The following SYN2 variants were observed in gnomAD, a reference collection of about 807,000 sequenced individuals.
The protein encoded by SYN2 is synapsin-2.
Under a neutral mutation model 50.9 loss-of-function variants are expected in SYN2, and 19 were observed. The ratio of observed to expected loss-of-function variants is 0.37; its 90% CI spans 0.26 to 0.55. The LOEUF (loss-of-function observed/expected upper bound fraction) is 0.55. SYN2 is among the 20% of genes least tolerant of loss of function. The pLI is 0.81. For synonymous variants in SYN2, 255 were observed against 224.9 expected (o/e 1.13, Z -1.20); for missense variants, 587 against 576.4 (o/e 1.02, Z -0.19).
At chr3:12,159,626 C>T (rs924046012) in intron 5 of SYN2, among the ~76,000 whole-genome samples, 2 of 152,094 alleles carry the variant, frequency 1.3e-5, no homozygotes, top group African/African-American at 4.8e-5. Context: ...CAAAGTGTCC[C>T]ATCACTTAGG....
chr3:12,158,701 C>T (rs750725679), intron 5 of SYN2: 14 of 1,610,328 alleles, frequency 8.7e-6, no homozygotes, highest in Non-Finnish European at 7.6e-6. Flanking sequence ...CTCGGACTCA[C>T]CAAGTGCCGA....
chr3:12,156,941 G>A (rs1413581678), intron 5 of SYN2: 3 of 1,607,482 alleles, frequency 1.9e-6, no homozygotes, highest in Non-Finnish European at 1.7e-6. Context: ...ACATCTGACA[G>A]GCAATTACAA....
intron 1 of SYN2, among the ~76,000 whole-genome samples, chr3:12,025,123 G>A (rs1365155460): frequency 6.6e-6 from 1 of 152,112 alleles, no homozygotes; most frequent in Admixed American, 6.5e-5. Flanking sequence ...AAGGGAGAGA[G>A]CCTTGGTCTC....
intron 2 of SYN2, among the ~76,000 whole-genome samples, chr3:12,141,597 C>T (rs1045224563): frequency 1.3e-5 from 2 of 152,194 alleles, no homozygotes; most frequent in African/African-American, 4.8e-5. Context: ...AGAGAGGCAG[C>T]ACAAAGGATG....
At chr3:12,152,849 A>G (rs1226386956) in intron 5 of SYN2, among the ~76,000 whole-genome samples, 1 of 152,212 alleles carries the variant, frequency 6.6e-6, no homozygotes, top group Non-Finnish European at 1.5e-5. Context: ...CTGAGACAGT[A>G]AGTGCATTCT....
At position 12,150,080 on chromosome 3, in the gene SYN2, C is replaced by G. The variant is rs557864224; in HGVS notation, c.685-1157C>G. Reference sequence around the variant, plus strand: ...TTACTGCCCCAACCTCGTCTCCCCTCCCTGGCTTATGTGCCAGTATCGCTT... The same window carrying G: ...TTACTGCCCCAACCTCGTCTCCCCTGCCTGGCTTATGTGCCAGTATCGCTT... On this transcript the variant is annotated intron_variant, in intron 4 of 12. Transcript: ENST00000621198. 1.0e-3 allele frequency among the ~76,000 whole-genome samples: 159 copies of G among 152,244 alleles called. 3 individuals are homozygous for G. Among genetic ancestry groups the G allele is most frequent in the Non-Finnish European group, 5.0e-4 (34 of 68,044 alleles).
At chr3:12,056,316 A>G (rs1694988099) in intron 1 of SYN2, among the ~76,000 whole-genome samples, 1 of 152,096 alleles carries the variant, frequency 6.6e-6, no homozygotes, top group Non-Finnish European at 1.5e-5. Flanking sequence ...CTGGGTATTG[A>G]AGTTGCTCCT....
intron 1 of SYN2, among the ~76,000 whole-genome samples, chr3:12,128,190 C>T (rs929994102): frequency 6.6e-6 from 1 of 152,178 alleles, no homozygotes; most frequent in Non-Finnish European, 1.5e-5. Flanking sequence ...AGTAATCCTC[C>T]CGCCTCAGTC....
chr3:12,053,287 G>C (rs1390690670), intron 1 of SYN2, among the ~76,000 whole-genome samples: 3 of 152,096 alleles, frequency 2.0e-5, no homozygotes, highest in Non-Finnish European at 4.4e-5. Flanking sequence ...CAGGCATGGT[G>C]GTGGGTGCCT....
intron 11 of SYN2, chr3:12,183,816 A>G: frequency 1.9e-6 from 2 of 1,030,336 alleles, no homozygotes; most frequent in Non-Finnish European, 2.3e-6. Flanking sequence ...GGGAGAAACG[A>G]AAACCACAAA....
intron 3 of SYN2, among the ~76,000 whole-genome samples, chr3:12,142,918 T>C (rs1174338955): frequency 6.6e-6 from 1 of 152,038 alleles, no homozygotes; most frequent in East Asian, 1.9e-4. Context: ...CAACAGGAAA[T>C]ACGAGCTTGT....
At chr3:12,045,445 T>A (rs1287960627) in intron 1 of SYN2, among the ~76,000 whole-genome samples, 2 of 152,176 alleles carry the variant, frequency 1.3e-5, no homozygotes, top group East Asian at 1.9e-4. Flanking sequence ...TTTTTCTGGG[T>A]TAAATAAGTA....
chr3:12,148,777 A>T (rs1697211665), intron 4 of SYN2: 1 of 152,212 alleles, frequency 6.6e-6, no homozygotes, highest in South Asian at 2.1e-4. Flanking sequence ...ATAGGGACAC[A>T]TTACTCAAAT....
At chr3:12,130,851 A>G (rs763049850) in intron 1 of SYN2, among the ~76,000 whole-genome samples, 2 of 152,240 alleles carry the variant, frequency 1.3e-5, no homozygotes, top group African/African-American at 2.4e-5. Flanking sequence ...TAAAGTGACA[A>G]ATCAACAGGT....
At chr3:12,135,271 A>G (rs946594031) in intron 1 of SYN2, among the ~76,000 whole-genome samples, 6 of 152,166 alleles carry the variant, frequency 3.9e-5, no homozygotes, top group Non-Finnish European at 7.4e-5. Context: ...GGAAGGCATG[A>G]TTTTTACCCT....
At chr3:12,070,639 C>T in intron 1 of SYN2, 2 of 1,359,100 alleles carry the variant, frequency 1.5e-6, no homozygotes, top group Non-Finnish European at 2.0e-6. Context: ...ATGTACGTGG[C>T]CATCCAGGCC....
intron 7 of SYN2, among the ~76,000 whole-genome samples, chr3:12,164,091 C>G: frequency 6.6e-6 from 1 of 152,070 alleles, no homozygotes; most frequent in African/African-American, 2.4e-5. Context: ...TATGCACAAT[C>G]TAAGACAGAA....
intron 9 of SYN2, 58 bp downstream of exon 9, chr3:12,168,536 G>GT: frequency 7.1e-7 from 1 of 1,403,806 alleles, no homozygotes; most frequent in Non-Finnish European, 1.0e-6. Flanking sequence ...TATGTGGGCA[G>GT]CTCAGACTGC....
At chr3:12,014,709 C>G (rs1295144483) in intron 1 of SYN2, among the ~76,000 whole-genome samples, 1 of 152,140 alleles carries the variant, frequency 6.6e-6, no homozygotes, top group Non-Finnish European at 1.5e-5. Flanking sequence ...GTTTCTTTCT[C>G]TTTAGTGAAA....
Sources: gnomAD v4.1 joint callset for allele counts (sites outside exome capture counted in the v4.1 genomes callset) on GRCh38, gnomAD v4.1.1 for gene constraint, MANE v1.5 for transcripts, NCBI Gene and HGNC (gene_info 2026-07-23, HGNC 2026-07-21) for gene names.